HDAC9: variants seen among roughly 807,000 people sequenced by gnomAD.
The protein encoded by HDAC9 is MEF-2 interacting transcription repressor (MITR) protein.
A neutral mutation model predicts 139.4 loss-of-function variants in HDAC9; 41 were observed. That is an observed-to-expected ratio of 0.29 (90% CI 0.23 to 0.38). The LOEUF (loss-of-function observed/expected upper bound fraction) is 0.38. HDAC9 is among the 10% of genes least tolerant of loss of function. HDAC9 has a pLI of 1.00. For missense variants in HDAC9, 1,147 were observed against 1,297.0 expected, an observed-to-expected ratio of 0.88 and a Z score of 1.78; for synonymous variants, 517 against 476.2, an observed-to-expected ratio of 1.09 and a Z score of -1.12.
intron 1 of HDAC9, among the ~76,000 whole-genome samples, chr7:18,384,650 A>G (rs1785747785): frequency 6.6e-6 from 1 of 152,220 alleles, no homozygotes; most frequent in African/African-American, 2.4e-5. Context: ...CTCCAAAATC[A>G]CTGATGCAGA....
chr7:18,659,281 G>T (rs529794764), intron 11 of HDAC9, among the ~76,000 whole-genome samples: 1 of 152,214 alleles, frequency 6.6e-6, no homozygotes, highest in East Asian at 1.9e-4. Flanking sequence ...ACACAGAGGT[G>T]AACTTAAAGT....
At chr7:18,975,776 C>A in intron 24 of HDAC9, 30 bp from the exon 25 acceptor site, 3 of 1,607,904 alleles carry the variant, frequency 1.9e-6, no homozygotes, top group Non-Finnish European at 1.7e-6. Context: ...AATTACAATT[C>A]TTATGAAGTA....
chr7:18,435,935 A>G (rs2128768311), intron 1 of HDAC9, among the ~76,000 whole-genome samples: 1 of 147,228 alleles, frequency 6.8e-6, no homozygotes, highest in South Asian at 2.1e-4. Context: ...GAGAGAAAGA[A>G]CTGGAAAATT....
At chr7:18,994,789 C>T (rs138269318) in intron 25 of HDAC9, among the ~76,000 whole-genome samples, 170 of 152,240 alleles carry the variant, frequency 1.1e-3, no homozygotes, top group African/African-American at 3.9e-3. Flanking sequence ...CATGGCCAAA[C>T]ATTTCATTTG....
rs77973093 is a variant in HDAC9 at position 18,520,556 on chromosome 7, A to T, written c.22+24232A>T. Among the ~76,000 whole-genome samples the T allele has an allele frequency of 8.1e-3, 1,237 of 152,282 alleles. 18 individuals are homozygous for T. Among genetic ancestry groups the T allele is most frequent in the African/African-American group, 0.028 (1,155 of 41,562 alleles). On this transcript the variant is annotated intron_variant, in intron 2 of 25. Transcript: ENST00000686413. ...TGCTTTTTTATCAAATGTTTCTGGC[A>T]CCTGGGTTTTCTCAACTGCCCTTCT... is the stretch of plus-strand genomic sequence containing the variant.
chr7:18,999,854 G>A lies in HDAC9; in HGVS notation c.*3792G>A, dbSNP rs1302584828. Reference sequence around the variant, plus strand: ...TATCTCAATGAAAGAAGTATTAAAAGTCTTATGGCCCCAAAAGAAACAAGC... The same window carrying A: ...TATCTCAATGAAAGAAGTATTAAAAATCTTATGGCCCCAAAAGAAACAAGC... On this transcript the variant is annotated 3_prime_UTR_variant, in exon 26 of 26. Coordinates refer to ENST00000686413, the MANE Select transcript of HDAC9 (RefSeq NM_178425.4). 2 of 150,156 alleles carry A rather than the reference G, an allele frequency of 1.3e-5. No individual in the cohort carries two copies. Among genetic ancestry groups the A allele is most frequent in the African/African-American group, 4.9e-5 (2 of 41,106 alleles). 9.3% of individuals were successfully genotyped at this position (150,156 alleles called of 1,614,324 possible).
chr7:18,602,517 C>A (rs946869797), intron 6 of HDAC9, among the ~76,000 whole-genome samples: 4 of 150,728 alleles, frequency 2.7e-5, no homozygotes, highest in Non-Finnish European at 5.9e-5. Context: ...TATTTTTCCT[C>A]TATTTTTTTT....
chr7:18,593,470 C>T (rs1831563609), intron 5 of HDAC9, among the ~76,000 whole-genome samples: 1 of 152,098 alleles, frequency 6.6e-6, no homozygotes, highest in Non-Finnish European at 1.5e-5. Context: ...AAAGGCTACT[C>T]TCATGTACTC....
chr7:18,651,605 G>A (rs968239469), intron 11 of HDAC9, among the ~76,000 whole-genome samples: 6 of 151,716 alleles, frequency 4.0e-5, no homozygotes, highest in African/African-American at 9.7e-5. Flanking sequence ...GGTGATGCAA[G>A]GATTGACTTA....
intron 17 of HDAC9, among the ~76,000 whole-genome samples, chr7:18,807,679 A>T (rs968892936): frequency 1.3e-5 from 2 of 151,900 alleles, no homozygotes; most frequent in East Asian, 1.9e-4. Context: ...TTCTTATTTG[A>T]CCCATTGGTT....
intron 1 of HDAC9, among the ~76,000 whole-genome samples, chr7:18,155,617 G>A (rs1172250599): frequency 1.3e-5 from 2 of 152,190 alleles, no homozygotes; most frequent in African/African-American, 2.4e-5. Flanking sequence ...AATGTAGCCT[G>A]TTCTTAAATG....
intron 1 of HDAC9, among the ~76,000 whole-genome samples, chr7:18,318,976 T>C (rs1020899011): frequency 3.3e-5 from 5 of 152,158 alleles, no homozygotes; most frequent in African/African-American, 1.2e-4. Context: ...TCAGGCCCAT[T>C]CCAGACCTCC....
At chr7:18,597,903 G>T (rs1832913598) in intron 6 of HDAC9, among the ~76,000 whole-genome samples, 2 of 152,036 alleles carry the variant, frequency 1.3e-5, no homozygotes, top group Admixed American at 1.3e-4. Context: ...AGCAACACTA[G>T]AATAAGACTC....
intron 2 of HDAC9, among the ~76,000 whole-genome samples, chr7:18,583,303 A>T (rs1828392927): frequency 6.6e-6 from 1 of 152,204 alleles, no homozygotes; most frequent in African/African-American, 2.4e-5. Flanking sequence ...GGCCTAGGGA[A>T]ATTAATAACA....
At chr7:18,684,349 A>G (rs965265008) in intron 12 of HDAC9, among the ~76,000 whole-genome samples, 2 of 151,258 alleles carry the variant, frequency 1.3e-5, no homozygotes, top group Non-Finnish European at 1.5e-5. Flanking sequence ...CATCAAAACT[A>G]TCCTGTTAGG....
chr7:18,383,894 C>G (rs887162135), intron 1 of HDAC9, among the ~76,000 whole-genome samples: 9 of 93,096 alleles, frequency 9.7e-5, no homozygotes, highest in Non-Finnish European at 2.0e-4. Context: ...GACTCCGTCT[C>G]AAAAAAAAAA....
intron 2 of HDAC9, among the ~76,000 whole-genome samples, chr7:18,259,891 A>G (rs1795534373): frequency 6.6e-6 from 1 of 152,218 alleles, no homozygotes; most frequent in Non-Finnish European, 1.5e-5. Context: ...ACCAGTCGTC[A>G]TGACAATATG....
chr7:18,251,269 C>T (rs1202410950), intron 2 of HDAC9, among the ~76,000 whole-genome samples: 1 of 152,086 alleles, frequency 6.6e-6, no homozygotes, highest in Non-Finnish European at 1.5e-5. Flanking sequence ...GAAAATTAAA[C>T]ACCGCATGTT....
At chr7:18,512,796 G>A (rs1451639077) in intron 2 of HDAC9, among the ~76,000 whole-genome samples, 1 of 152,106 alleles carries the variant, frequency 6.6e-6, no homozygotes, top group Non-Finnish European at 1.5e-5. Flanking sequence ...AAGGAACAAG[G>A]CATACTGATT....
Sources: allele counts gnomAD v4.1 joint callset (sites outside exome capture counted in the v4.1 genomes callset), GRCh38; gene constraint gnomAD v4.1.1; transcripts MANE v1.5; gene names NCBI Gene and HGNC (gene_info 2026-07-23, HGNC 2026-07-21).